Variants in FARS2 observed in about 807,000 individuals in gnomAD.
FARS2 encodes the protein phenylalanine--tRNA ligase, mitochondrial.
A neutral mutation model predicts 46.4 loss-of-function variants in FARS2; 40 were observed. The ratio of observed to expected loss-of-function variants is 0.86; its 90% CI spans 0.67 to 1.12. FARS2 has a LOEUF of 1.12. Among genes scored for constraint, FARS2 ranks in the 50% most tolerant of loss-of-function variants. The pLI is 0.00. For synonymous variants in FARS2, 234 were observed against 214.9 expected (o/e 1.09, Z -0.78); for missense variants, 513 against 567.9 (o/e 0.90, Z 0.98).
intron 4 of FARS2, among the ~76,000 whole-genome samples, chr6:5,465,868 G>T (rs187969): frequency 8.7e-5 from 13 of 149,914 alleles, no homozygotes; most frequent in Admixed American, 3.3e-4. Flanking sequence ...TACTTTTTTT[G>T]AAAAAAAGAA....
chr6:5,472,238 T>C (rs1765846813), intron 4 of FARS2, among the ~76,000 whole-genome samples: 1 of 152,166 alleles, frequency 6.6e-6, no homozygotes, highest in Non-Finnish European at 1.5e-5. Flanking sequence ...GCAGGCACGC[T>C]GGGATTTGTC....
intron 1 of FARS2, among the ~76,000 whole-genome samples, chr6:5,300,999 G>T (rs1200209973): frequency 6.6e-6 from 1 of 151,862 alleles, no homozygotes; most frequent in Non-Finnish European, 1.5e-5. Context: ...TTACAGGCGT[G>T]AGTCACCATG....
intron 6 of FARS2, among the ~76,000 whole-genome samples, chr6:5,644,466 G>A (rs763855359): frequency 9.2e-5 from 14 of 152,130 alleles, no homozygotes; most frequent in South Asian, 2.1e-4. Context: ...GCCCACCTTG[G>A]CCTCCCAAAG....
At chr6:5,428,299 T>C (rs1330627134) in intron 3 of FARS2, among the ~76,000 whole-genome samples, 1 of 151,974 alleles carries the variant, frequency 6.6e-6, no homozygotes, top group African/African-American at 2.4e-5. Flanking sequence ...CTATCCAAAA[T>C]GATTTTTTTA....
intron 4 of FARS2, among the ~76,000 whole-genome samples, chr6:5,494,228 G>A (rs1370444232): frequency 1.3e-5 from 2 of 151,678 alleles, no homozygotes; most frequent in Non-Finnish European, 2.9e-5. Context: ...GTTTGAGTCA[G>A]GTTTGGTTTT....
chr6:5,678,212 G>A (rs565628497), intron 6 of FARS2, among the ~76,000 whole-genome samples: 6 of 152,232 alleles, frequency 3.9e-5, no homozygotes, highest in South Asian at 2.1e-4. Flanking sequence ...AGCCTCCCAC[G>A]TCCCCTCCCC....
At chr6:5,549,327 C>T (rs1771233824) in intron 5 of FARS2, among the ~76,000 whole-genome samples, 1 of 152,164 alleles carries the variant, frequency 6.6e-6, no homozygotes, top group Non-Finnish European at 1.5e-5. Flanking sequence ...GTTATCCCTC[C>T]CTCTTCCCCC....
At chr6:5,646,789 A>T (rs1290473717) in intron 6 of FARS2, among the ~76,000 whole-genome samples, 2 of 152,330 alleles carry the variant, frequency 1.3e-5, no homozygotes, top group Non-Finnish European at 2.9e-5. Context: ...TTGTTTAGGG[A>T]ATAATGTCAA....
At chr6:5,356,919 T>G (rs1757968917) in intron 1 of FARS2, among the ~76,000 whole-genome samples, 1 of 146,972 alleles carries the variant, frequency 6.8e-6, no homozygotes, top group Non-Finnish European at 1.5e-5. Context: ...CTACAAAGGT[T>G]ATAGAGAAGT....
At chr6:5,534,989 T>C (rs1309998226) in intron 4 of FARS2, among the ~76,000 whole-genome samples, 3 of 152,210 alleles carry the variant, frequency 2.0e-5, no homozygotes, top group African/African-American at 7.2e-5. Context: ...TCAACAGCAA[T>C]GCACAGGGTT....
chr6:5,609,852 T>C, intron 5 of FARS2: 1 of 1,029,354 alleles, frequency 9.7e-7, no homozygotes, highest in Non-Finnish European at 1.5e-6. Flanking sequence ...GGTGATGTTC[T>C]TCAGTGTCTT....
intron 4 of FARS2, among the ~76,000 whole-genome samples, chr6:5,452,977 C>CAA (rs1764592036): frequency 6.6e-6 from 1 of 151,868 alleles, no homozygotes; most frequent in Non-Finnish European, 1.5e-5. Context: ...GTGCGGTGGG[C>CAA]AAAAGTAGGG....
At chr6:5,508,971 G>T (rs1768268583) in intron 4 of FARS2, among the ~76,000 whole-genome samples, 1 of 152,204 alleles carries the variant, frequency 6.6e-6, no homozygotes, top group South Asian at 2.1e-4. Context: ...TAAACATTTT[G>T]AGTTTTGCGG....
At chr6:5,310,929 A>C (rs540220790) in intron 1 of FARS2, among the ~76,000 whole-genome samples, 1 of 152,358 alleles carries the variant, frequency 6.6e-6, no homozygotes, top group East Asian at 1.9e-4. Context: ...AGTGGAGTGC[A>C]GTTTAGCAAT....
chr6:5,633,266 T>A (rs1166728190), intron 6 of FARS2, among the ~76,000 whole-genome samples: 4 of 111,584 alleles, frequency 3.6e-5, no homozygotes, highest in African/African-American at 1.8e-4. Context: ...CCCTGGCTTT[T>A]TTTTTTTTTT....
chr6:5,605,978 T>C (rs558818487), intron 5 of FARS2, among the ~76,000 whole-genome samples: 11 of 152,218 alleles, frequency 7.2e-5, no homozygotes, highest in African/African-American at 2.6e-4. Flanking sequence ...TAAGACGCTG[T>C]TACTGAAGAA....
intron 6 of FARS2, among the ~76,000 whole-genome samples, chr6:5,728,789 A>G (rs1352575986): frequency 1.3e-5 from 2 of 152,182 alleles, no homozygotes; most frequent in Non-Finnish European, 2.9e-5. Flanking sequence ...TACTCTCCCG[A>G]TGTGAGCTGT....
In FARS2 at chr6:5,765,728, A is replaced by T. The variant is rs1481534257; in HGVS notation, c.1218-5563A>T. Among the ~76,000 whole-genome samples the T allele has an allele frequency of 6.6e-6, 1 of 152,130 alleles. No homozygotes were observed. Among genetic ancestry groups the T allele is most frequent in the African/African-American group, 2.4e-5 (1 of 41,426 alleles). ...TCCTGCTGTCATGGGCGTACTAGGG[A>T]ACAGTCCTTTGCTCAGCCGGCTCCT... On this transcript the variant is annotated intron_variant, in intron 6 of 6. Transcript: ENST00000274680. The surrounding 1 kb of genome is among the most constrained non-coding windows in gnomAD (Gnocchi z 4.0).
At chr6:5,440,420 C>G (rs186256253) in intron 4 of FARS2, among the ~76,000 whole-genome samples, 1 of 152,304 alleles carries the variant, frequency 6.6e-6, no homozygotes, top group African/African-American at 2.4e-5. Flanking sequence ...TCTGGCCACC[C>G]CCATGTTGAT....
Sources: allele counts gnomAD v4.1 joint callset (sites outside exome capture counted in the v4.1 genomes callset), GRCh38; gene constraint gnomAD v4.1.1; non-coding constraint Gnocchi (gnomAD v3.1); transcripts MANE v1.5; gene names NCBI Gene and HGNC (gene_info 2026-07-23, HGNC 2026-07-21).